Variants in SEPTIN10 observed in about 807,000 individuals in gnomAD.
SEPTIN10 encodes the protein septin 10.
SEPTIN10 carries 66 observed loss-of-function variants against 54.8 expected under a neutral mutation model. The ratio of observed to expected loss-of-function variants is 1.21; its 90% CI spans 0.99 to 1.48. The LOEUF (loss-of-function observed/expected upper bound fraction) is 1.48, where lower values mean the gene tolerates loss of function less well. SEPTIN10 is among the 40% of genes most tolerant of loss of function. The probability of loss-of-function intolerance (pLI) is 0.00; values close to 1 mark genes in which losing one functional copy is unlikely to be tolerated. For missense variants in SEPTIN10, 620 were observed against 545.6 expected, an observed-to-expected ratio of 1.14 and a Z score of -1.36; for synonymous variants, 161 against 181.0, an observed-to-expected ratio of 0.89 and a Z score of 0.89.
At chr2:109,609,639 A>G (rs1698799838) in intron 1 of SEPTIN10, among the ~76,000 whole-genome samples, 1 of 151,732 alleles carries the variant, frequency 6.6e-6, no homozygotes, top group Admixed American at 6.6e-5. Flanking sequence ...AAAAAAGATC[A>G]AGAAAGAATT....
intron 1 of SEPTIN10, among the ~76,000 whole-genome samples, chr2:109,611,753 C>G (rs35550721): frequency 0.12 from 18,527 of 152,054 alleles, 1,201 homozygotes; most frequent in Non-Finnish European, 0.14. Context: ...GGTGACAATA[C>G]GAGAAATCCA....
rs191405938 is a variant in SEPTIN10 at position 109,608,549 on chromosome 2, G to A, written c.30+5249C>T. Among the ~76,000 whole-genome samples, 4 of 152,298 alleles carry A rather than the reference G, an allele frequency of 2.6e-5. No homozygotes were observed. In the East Asian group the frequency reaches 5.8e-4, roughly 22 times the overall value. On this transcript the variant is annotated intron_variant, in intron 1 of 10. Coordinates refer to ENST00000397712, the MANE Select transcript of SEPTIN10 (RefSeq NM_144710.5). Reference sequence around the variant, plus strand: ...AGGCTGAAACTAGTGAGGAGGGGCTGGGGAGCCCATCCTACCTGGCACAGA... The same window carrying A: ...AGGCTGAAACTAGTGAGGAGGGGCTAGGGAGCCCATCCTACCTGGCACAGA...
intron 9 of SEPTIN10, among the ~76,000 whole-genome samples, chr2:109,550,127 C>A (rs1206737357): frequency 6.6e-6 from 1 of 151,576 alleles, no homozygotes; most frequent in Non-Finnish European, 1.5e-5. Flanking sequence ...CCCATCTCTA[C>A]TAAAAATACA....
Position 109,574,741 on chromosome 2 carries a change from T to A in SEPTIN10, c.440A>T (p.Asp147Val). Residue 147 changes from aspartate (D) to valine (V), a missense_variant, in exon 5 of 11, where the codon GAT (aspartate) becomes GTT (valine). Coordinates refer to ENST00000397712, the MANE Select transcript of SEPTIN10 (RefSeq NM_144710.5). ...ESYQPIVDYIDAQFEAYLQEE... is the reference protein window; with the variant it reads ...ESYQPIVDYIVAQFEAYLQEE... ...TTGGAGATAGGCCTCAAACTGAGCA[T>A]CTATGTAGTCAACTATTGGTTGGTA... The A allele has an allele frequency of 6.3e-7, 1 of 1,594,898 alleles. No homozygotes were observed. The highest frequency in any genetic ancestry group is 8.5e-7 in the Non-Finnish European group (1 of 1,173,258).
intron 9 of SEPTIN10, among the ~76,000 whole-genome samples, chr2:109,550,882 C>A (rs765035008): frequency 6.6e-6 from 1 of 152,026 alleles, no homozygotes; most frequent in East Asian, 1.9e-4. Flanking sequence ...TGTAAATTAC[C>A]GAGCATACTT....
intron 9 of SEPTIN10, among the ~76,000 whole-genome samples, chr2:109,552,114 T>C (rs1222413867): frequency 6.6e-6 from 1 of 152,200 alleles, no homozygotes. Flanking sequence ...ACTGTGCATG[T>C]GAGGGATCTT....
At chr2:109,549,275 T>C (rs541404380) in intron 9 of SEPTIN10, among the ~76,000 whole-genome samples, 20 of 152,312 alleles carry the variant, frequency 1.3e-4, no homozygotes, top group Middle Eastern at 3.4e-3. Flanking sequence ...TGACTAGAGA[T>C]AGCTCTCTGG....
At chr2:109,574,546 A>C in intron 5 of SEPTIN10, 35 bp downstream of exon 5, 1 of 1,306,996 alleles carries the variant, frequency 7.7e-7, no homozygotes, top group Non-Finnish European at 1.0e-6. Context: ...AATAAATATT[A>C]AAGTATGGTA....
intron 1 of SEPTIN10, among the ~76,000 whole-genome samples, chr2:109,598,910 T>G (rs967325012): frequency 6.6e-6 from 1 of 151,876 alleles, no homozygotes; most frequent in Non-Finnish European, 1.5e-5. Context: ...AAAAAATTAT[T>G]ATCTGGGCCT....
rs115040403 is a variant in SEPTIN10 at position 109,574,056 on chromosome 2, A to C, written c.600+525T>G. Among the ~76,000 whole-genome samples, 192 of 152,312 alleles carry C rather than the reference A, an allele frequency of 1.3e-3. 2 individuals are homozygous for C. The South Asian group carries it at 0.024, about 19-fold the overall frequency. The stretch of plus-strand genomic sequence containing the variant: ...TTTAATCACTACAAAGGAAACTAAA[A>C]TTTTATTGCAATATTCCTTCTTTGC... On this transcript the variant is annotated intron_variant, in intron 5 of 10. Transcript: ENST00000397712.
At chr2:109,604,038 T>C (rs1351053672) in intron 1 of SEPTIN10, among the ~76,000 whole-genome samples, 3 of 151,468 alleles carry the variant, frequency 2.0e-5, no homozygotes, top group African/African-American at 7.3e-5. Flanking sequence ...GGCAGATGCC[T>C]GTAGTCCCAG....
At chr2:109,562,498 G>A (rs767628) in intron 8 of SEPTIN10, among the ~76,000 whole-genome samples, 48,340 of 151,890 alleles carry the variant, frequency 0.32, 7,919 homozygotes, top group Admixed American at 0.42. Flanking sequence ...ATTTGGCTGA[G>A]CAGATAGCAG....
chr2:109,590,078 A>ATG (rs199839475), intron 2 of SEPTIN10, among the ~76,000 whole-genome samples: 3,394 of 147,576 alleles, frequency 0.023, 50 homozygotes, highest in South Asian at 0.067. Context: ...ACACACATAT[A>ATG]TATGTATATA....
rs368746393 is a variant in SEPTIN10, at chr2:109,610,165, T to C, written c.30+3633A>G. 2.9e-3 allele frequency among the ~76,000 whole-genome samples: 446 copies of C among 151,948 alleles called. 1 individual carries two copies. Among genetic ancestry groups the C allele is most frequent in the South Asian group, 0.022 (107 of 4,812 alleles). ...GTGCAGTGGCGCGATCTCAGCTTAC[T>C]GCAACCTCCACCTCTCAGGTTCAAG... On this transcript the variant is annotated intron_variant, in intron 1 of 10. Transcript: ENST00000397712.
At chr2:109,591,974 A>G (rs1694167972) in intron 2 of SEPTIN10, among the ~76,000 whole-genome samples, 1 of 152,080 alleles carries the variant, frequency 6.6e-6, no homozygotes, top group South Asian at 2.1e-4. Flanking sequence ...CTAGTTACTC[A>G]CCTCTTTCAC....
intron 5 of SEPTIN10, among the ~76,000 whole-genome samples, chr2:109,573,124 T>C (rs1163737284): frequency 6.6e-6 from 1 of 152,172 alleles, no homozygotes; most frequent in East Asian, 1.9e-4. Flanking sequence ...CATGGATCAA[T>C]TTAATTAATT....
chr2:109,609,634 A>G (rs1020256608), intron 1 of SEPTIN10, among the ~76,000 whole-genome samples: 6 of 144,736 alleles, frequency 4.1e-5, no homozygotes, highest in Non-Finnish European at 9.1e-5. Context: ...AAAAAAAAAA[A>G]GATCAAGAAA....
At chr2:109,579,460 T>G (rs988141310) in intron 4 of SEPTIN10, among the ~76,000 whole-genome samples, 9 of 151,580 alleles carry the variant, frequency 5.9e-5, no homozygotes, top group Admixed American at 5.3e-4. Flanking sequence ...CTTGGCTCAC[T>G]GCAAACTCTG....
intron 1 of SEPTIN10, among the ~76,000 whole-genome samples, chr2:109,600,097 C>A (rs1273557581): frequency 6.6e-6 from 1 of 152,176 alleles, no homozygotes; most frequent in African/African-American, 2.4e-5. Context: ...CCCTAGGCAG[C>A]TGGTAGTTGA....
Sources: allele counts gnomAD v4.1 joint callset (sites outside exome capture counted in the v4.1 genomes callset), GRCh38; gene constraint gnomAD v4.1.1; transcripts MANE v1.5; gene names NCBI Gene and HGNC (gene_info 2026-07-23, HGNC 2026-07-21).